The following PRH1 variants were observed in gnomAD, a reference collection of about 807,000 sequenced individuals.
PRH1 encodes proline rich protein HaeIII subfamily 1.
In PRH1, 7 loss-of-function variants were observed where a neutral mutation model predicts 7.9. The ratio of observed to expected loss-of-function variants is 0.89; its 90% CI spans 0.50 to 1.67. The LOEUF is 1.67. Among genes scored for constraint, PRH1 ranks in the 40% most tolerant of loss-of-function variants. The probability of loss-of-function intolerance (pLI) is 0.00; values close to 1 mark genes in which losing one functional copy is unlikely to be tolerated. For missense variants in PRH1, 109 were observed against 223.6 expected (o/e 0.49, Z 3.27); for synonymous variants, 45 against 80.8 (o/e 0.56, Z 2.38).
At chr12:10,955,937 A>G (rs947696853) in intron 2 of PRH1, among the ~76,000 whole-genome samples, 1 of 152,118 alleles carries the variant, frequency 6.6e-6, no homozygotes. Context: ...AGTAATAAAA[A>G]GCCTACCAGA....
At chr12:10,989,573 T>C (rs1432831510) in intron 1 of PRH1, among the ~76,000 whole-genome samples, 1 of 152,182 alleles carries the variant, frequency 6.6e-6, no homozygotes, top group Admixed American at 6.5e-5. Flanking sequence ...ACAGACTATA[T>C]ATGGCTATTT....
At chr12:10,943,292 C>G (rs1276879877) in intron 2 of PRH1, among the ~76,000 whole-genome samples, 1 of 152,124 alleles carries the variant, frequency 6.6e-6, no homozygotes, top group Non-Finnish European at 1.5e-5. Context: ...GAGATGGTAC[C>G]TCATTGTGGT....
At chr12:11,117,502 C>T (rs954387695), downstream of PRH1, among the ~76,000 whole-genome samples, 10 of 152,214 alleles carry the variant, frequency 6.6e-5, no homozygotes, top group African/African-American at 2.4e-4. Flanking sequence ...AAAGAATCTA[C>T]AGATTCAATG....
At chr12:10,966,249 A>G (rs548677506) in intron 2 of PRH1, among the ~76,000 whole-genome samples, 2 of 152,290 alleles carry the variant, frequency 1.3e-5, no homozygotes, top group Admixed American at 1.3e-4. Flanking sequence ...AATATTCAAC[A>G]TTTTTGTAAA....
At chr12:10,926,903 G>C (rs562342854) in intron 2 of PRH1, among the ~76,000 whole-genome samples, 1 of 152,274 alleles carries the variant, frequency 6.6e-6, no homozygotes, top group Admixed American at 6.5e-5. Context: ...ATCCATAGTA[G>C]AAGGGAATTG....
chr12:11,138,808 GC>G (rs767080240), intron 1 of PRH1, among the ~76,000 whole-genome samples: 1 of 117,366 alleles, frequency 8.5e-6, no homozygotes. Context: ...GGAGGCTGAG[GC>G]AGGTGGATTG....
Position 11,081,579 on chromosome 12 carries a change from T to G in PRH1, n.124-34391A>C, listed in dbSNP as rs372746960. Among the ~76,000 whole-genome samples, 83 of 97,180 alleles carry G rather than the reference T, an allele frequency of 8.5e-4. 3 individuals are homozygous for G. Among genetic ancestry groups the G allele is most frequent in the Non-Finnish European group, 1.3e-3 (52 of 39,876 alleles). 63.8% of individuals were successfully genotyped at this position (97,180 alleles called of 152,430 possible). A position where few individuals can be genotyped will look rare whatever the true frequency, so the allele number is the denominator to read the frequency against. ...AGAAATTAAGTTGATGTGAGTAGCTTTTTTTGGATATTAGCTTGTCTGTTG... is the reference window on the plus strand; with the variant it reads ...AGAAATTAAGTTGATGTGAGTAGCTGTTTTTGGATATTAGCTTGTCTGTTG... On this transcript the variant is annotated intron_variant and non_coding_transcript_variant, in intron 1 of 4. Transcript: ENST00000541977.
At chr12:10,940,535 C>T (rs2135891469) in intron 2 of PRH1, among the ~76,000 whole-genome samples, 1 of 152,184 alleles carries the variant, frequency 6.6e-6, no homozygotes, top group South Asian at 2.1e-4. Flanking sequence ...TTCTGTGCCT[C>T]TCCCCTGCCC....
At chr12:11,156,755 A>G (rs1402660364) in intron 1 of PRH1, among the ~76,000 whole-genome samples, 1 of 152,170 alleles carries the variant, frequency 6.6e-6, no homozygotes, top group Non-Finnish European at 1.5e-5. Context: ...CCAAATTCTT[A>G]AAGATTTTTT....
intron 1 of PRH1, among the ~76,000 whole-genome samples, chr12:11,149,478 T>C (rs1450771637): frequency 1.3e-5 from 2 of 151,418 alleles, no homozygotes; most frequent in Admixed American, 6.6e-5. Flanking sequence ...GAGATATAGA[T>C]CAATGGAACA....
At chr12:10,905,377 G>A (rs1949788706) in intron 2 of PRH1, among the ~76,000 whole-genome samples, 1 of 151,984 alleles carries the variant, frequency 6.6e-6, no homozygotes, top group African/African-American at 2.4e-5. Flanking sequence ...CATCAACAAT[G>A]GATTACAGGC....
At chr12:11,098,682 T>C (rs879775581) in intron 1 of PRH1, among the ~76,000 whole-genome samples, 94 of 152,238 alleles carry the variant, frequency 6.2e-4, no homozygotes, top group Non-Finnish European at 1.2e-3. Flanking sequence ...AATGCCAGAT[T>C]TGTATACACA....
chr12:10,924,972 T>C (rs1950104874), intron 2 of PRH1, among the ~76,000 whole-genome samples: 1 of 152,218 alleles, frequency 6.6e-6, no homozygotes, highest in South Asian at 2.1e-4. Flanking sequence ...TTCATGGATT[T>C]CTTGAAGGGT....
chr12:11,123,064 T>TTGAACTGTGTATAGGTGCAA (rs1430517431), intron 1 of PRH1, among the ~76,000 whole-genome samples: 1 of 152,190 alleles, frequency 6.6e-6, no homozygotes, highest in Non-Finnish European at 1.5e-5. Context: ...TTGGTCTGCT[T>TTGAACTGTGTATAGGTGCAA]TGAACTGTGT....
intron 2 of PRH1, among the ~76,000 whole-genome samples, chr12:10,911,473 C>A (rs568934274): frequency 1.1e-3 from 162 of 152,202 alleles, no homozygotes; most frequent in African/African-American, 3.4e-3. Flanking sequence ...CACAGAAAAA[C>A]TTTTTCAGCA....
At chr12:11,151,329 CG>C (rs1381337692) in intron 1 of PRH1, among the ~76,000 whole-genome samples, 2 of 151,576 alleles carry the variant, frequency 1.3e-5, no homozygotes, top group African/African-American at 4.9e-5. Context: ...GCTGCTCTCT[CG>C]GGATCTTGCT....
chr12:11,093,824 A>G (rs1945004481), intron 1 of PRH1, among the ~76,000 whole-genome samples: 1 of 113,730 alleles, frequency 8.8e-6, no homozygotes, highest in Non-Finnish European at 2.1e-5. Context: ...TAGAGATTTG[A>G]GATGGCTTCC....
At chr12:11,106,997 G>A (rs1023732668) in intron 1 of PRH1, among the ~76,000 whole-genome samples, 1 of 152,086 alleles carries the variant, frequency 6.6e-6, no homozygotes, top group Non-Finnish European at 1.5e-5. Context: ...GATAACCAGT[G>A]AGACCTTCTT....
chr12:11,022,246 T>C, intron 1 of PRH1: 2 of 1,614,176 alleles, frequency 1.2e-6, no homozygotes, highest in Admixed American at 1.7e-5. Flanking sequence ...ATTGGCAATC[T>C]TGAGCAAACA....
Sources: allele counts gnomAD v4.1 joint callset (sites outside exome capture counted in the v4.1 genomes callset), GRCh38; gene constraint gnomAD v4.1.1; transcripts MANE v1.5; gene names NCBI Gene and HGNC (gene_info 2026-07-23, HGNC 2026-07-21).